KCNIP4: variants seen among roughly 807,000 people sequenced by gnomAD.
The protein encoded by KCNIP4 is potassium voltage-gated channel interacting protein 4.
Under a neutral mutation model 34.0 loss-of-function variants are expected in KCNIP4, and 12 were observed. The ratio of observed to expected loss-of-function variants is 0.35; its 90% confidence interval spans 0.23 to 0.57. The LOEUF (loss-of-function observed/expected upper bound fraction) is 0.57, where lower values mean the gene tolerates loss of function less well. KCNIP4 is among the 20% of genes least tolerant of loss of function. The probability of loss-of-function intolerance (pLI) is 0.83; values close to 1 mark genes in which losing one functional copy is unlikely to be tolerated. For synonymous variants in KCNIP4, 124 were observed against 102.2 expected (o/e 1.21, Z -1.29); for missense variants, 238 against 311.7 (o/e 0.76, Z 1.78).
intron 1 of KCNIP4, among the ~76,000 whole-genome samples, chr4:21,891,519 C>T (rs892017052): frequency 1.3e-5 from 2 of 152,026 alleles, no homozygotes; most frequent in African/African-American, 4.8e-5. Flanking sequence ...GGCACACCCT[C>T]TCTGAGCAGG....
chr4:21,832,199 T>C (rs767405156), intron 1 of KCNIP4, among the ~76,000 whole-genome samples: 3 of 152,128 alleles, frequency 2.0e-5, no homozygotes, highest in Non-Finnish European at 2.9e-5. Context: ...CATCCTTTCA[T>C]GGTAAAAATG....
At chr4:20,792,474 G>T (rs1265999326) in intron 3 of KCNIP4, among the ~76,000 whole-genome samples, 4 of 151,566 alleles carry the variant, frequency 2.6e-5, no homozygotes, top group African/African-American at 9.7e-5. Context: ...TATGCCAATG[G>T]GATAAATGCC....
At chr4:21,604,553 AC>A (rs1472242126) in intron 1 of KCNIP4, among the ~76,000 whole-genome samples, 1 of 152,024 alleles carries the variant, frequency 6.6e-6, no homozygotes, top group Non-Finnish European at 1.5e-5. Context: ...CATAAATGGG[AC>A]CTTGGCAAAT....
At chr4:21,317,112 G>C (rs1451404436) in intron 1 of KCNIP4, among the ~76,000 whole-genome samples, 2 of 152,148 alleles carry the variant, frequency 1.3e-5, no homozygotes, top group Non-Finnish European at 2.9e-5. Context: ...TAGTGTTCTT[G>C]TGGGATATAA....
At chr4:21,267,770 T>C (rs1363647114) in intron 1 of KCNIP4, among the ~76,000 whole-genome samples, 8 of 147,754 alleles carry the variant, frequency 5.4e-5, no homozygotes. Flanking sequence ...ATTGAGGATT[T>C]TTGCATCAAT....
intron 1 of KCNIP4, among the ~76,000 whole-genome samples, chr4:20,978,018 C>A (rs1160896378): frequency 6.6e-6 from 1 of 152,178 alleles, no homozygotes; most frequent in Non-Finnish European, 1.5e-5. Flanking sequence ...CACAGTAATA[C>A]ATATTTGTTA....
At chr4:21,374,129 A>C (rs1720749850) in intron 1 of KCNIP4, among the ~76,000 whole-genome samples, 1 of 147,528 alleles carries the variant, frequency 6.8e-6, no homozygotes, top group South Asian at 2.1e-4. Context: ...CGATATTAAG[A>C]ACACCTAGGG....
intron 1 of KCNIP4, among the ~76,000 whole-genome samples, chr4:21,194,791 T>C (rs1755939139): frequency 6.6e-6 from 1 of 152,180 alleles, no homozygotes; most frequent in Admixed American, 6.5e-5. Context: ...TCCTGAATGA[T>C]AGCATGACAC....
intron 1 of KCNIP4, among the ~76,000 whole-genome samples, chr4:21,155,791 A>C (rs1753101843): frequency 6.6e-6 from 1 of 152,176 alleles, no homozygotes; most frequent in Admixed American, 6.5e-5. Context: ...TTGTTAGATA[A>C]ATGCATGTAA....
chr4:20,749,773 C>G, intron 4 of KCNIP4, 41 bp from the exon 5 acceptor site: 2 of 1,338,884 alleles, frequency 1.5e-6, no homozygotes, highest in Non-Finnish European at 2.1e-6. Flanking sequence ...TCAGTGTTTC[C>G]ATATCCTACA....
intron 1 of KCNIP4, among the ~76,000 whole-genome samples, chr4:21,531,346 C>CCCCTCCGT (rs1553899211): frequency 2.2e-5 from 2 of 89,680 alleles, no homozygotes; most frequent in African/African-American, 9.1e-5. Context: ...CCTTCCCCTC[C>CCCCTCCGT]CCCTCCCTCC....
At chr4:21,915,374 C>T (rs528012119) in intron 1 of KCNIP4, among the ~76,000 whole-genome samples, 2 of 152,082 alleles carry the variant, frequency 1.3e-5, no homozygotes, top group Non-Finnish European at 2.9e-5. Context: ...TGTGCTAGAC[C>T]TTTTGCAAGA....
intron 1 of KCNIP4, among the ~76,000 whole-genome samples, chr4:21,574,255 A>C (rs918069152): frequency 1.3e-5 from 2 of 152,074 alleles, no homozygotes; most frequent in African/African-American, 4.8e-5. Flanking sequence ...TTACAATTTC[A>C]TTTTCATTTT....
intron 1 of KCNIP4, chr4:21,582,062 G>A (rs1490192823): frequency 1.3e-5 from 2 of 150,876 alleles, no homozygotes; most frequent in African/African-American, 4.9e-5. Context: ...GGAATGGAAT[G>A]GAATGGAATG....
In KCNIP4 at chr4:21,032,054, G is replaced by A. The variant is rs1477685975; in HGVS notation, c.62-149345C>T. ...AATGTTGCACACAGAGAACAGCCTC[G>A]AAGGGCCTCACACCAAGACATGGCA... On this transcript the variant is annotated intron_variant, in intron 1 of 8. Coordinates refer to ENST00000382152, the MANE Select transcript of KCNIP4 (RefSeq NM_025221.6). Among the ~76,000 whole-genome samples, 11 of 152,090 alleles carry A rather than the reference G, an allele frequency of 7.2e-5. No homozygotes were observed. The East Asian group carries it at 1.3e-3, about 19-fold the overall frequency.
chr4:20,951,958 A>G (rs1732830187), intron 1 of KCNIP4, among the ~76,000 whole-genome samples: 1 of 152,240 alleles, frequency 6.6e-6, no homozygotes, highest in Non-Finnish European at 1.5e-5. Flanking sequence ...CTCCAACAAC[A>G]ATAATAATAT....
chr4:21,643,852 G>C (rs981978515), intron 1 of KCNIP4, among the ~76,000 whole-genome samples: 4 of 107,558 alleles, frequency 3.7e-5, no homozygotes, highest in African/African-American at 1.6e-4. Context: ...ATAGATGATA[G>C]ATAGGTGATG....
At chr4:21,803,963 C>T (rs1195538463) in intron 1 of KCNIP4, among the ~76,000 whole-genome samples, 5 of 152,174 alleles carry the variant, frequency 3.3e-5, no homozygotes, top group African/African-American at 1.2e-4. Context: ...CAAAGCCAGG[C>T]TCATTGCAAC....
intron 1 of KCNIP4, among the ~76,000 whole-genome samples, chr4:21,654,272 T>C (rs1577766573): frequency 6.6e-6 from 1 of 152,338 alleles, no homozygotes; most frequent in East Asian, 1.9e-4. Context: ...ATTAGTTCCT[T>C]GCCACTTGCT....
Sources: allele counts gnomAD v4.1 joint callset (sites outside exome capture counted in the v4.1 genomes callset), GRCh38; gene constraint gnomAD v4.1.1; transcripts MANE v1.5; gene names NCBI Gene and HGNC (gene_info 2026-07-23, HGNC 2026-07-21).